MTUS2: variants seen among roughly 807,000 people sequenced by gnomAD.
The protein encoded by MTUS2 is microtubule-associated tumor suppressor candidate 2.
MTUS2 carries 40 observed loss-of-function variants against 114.1 expected under a neutral mutation model. The ratio of observed to expected loss-of-function variants is 0.35; its 90% CI spans 0.27 to 0.46. The LOEUF (loss-of-function observed/expected upper bound fraction) is 0.46, where lower values mean the gene tolerates loss of function less well. MTUS2 is among the 20% of genes least tolerant of loss of function. MTUS2 has a pLI of 1.00. For synonymous variants in MTUS2, 688 were observed against 672.0 expected (o/e 1.02, Z -0.37); for missense variants, 1,679 against 1,705.4 (o/e 0.98, Z 0.27).
At chr13:29,027,080 T>TTTTA (rs1206348762) in intron 3 of MTUS2, among the ~76,000 whole-genome samples, 177 bp downstream of exon 3, 1 of 152,218 alleles carries the variant, frequency 6.6e-6, no homozygotes, top group African/African-American at 2.4e-5. Flanking sequence ...AAATGACCAT[T>TTTTA]TTTAACTAGA....
Position 29,375,491 on chromosome 13 carries a change from C to T in MTUS2, c.3117+16018C>T, listed in dbSNP as rs1386054602. ...ATTACTTACTTTTAATGGCAAAAAC[C>T]GCAATCACCTTTGCACCAGCCTACT... is the stretch of plus-strand genomic sequence containing the variant. On this transcript the variant is annotated intron_variant, in intron 8 of 15. Transcript: ENST00000612955. Among the ~76,000 whole-genome samples the T allele has an allele frequency of 6.1e-5, 8 of 130,188 alleles. 1 individual carries two copies. The highest frequency in any genetic ancestry group is 2.2e-4 in the East Asian group (1 of 4,646). 85.4% of individuals were successfully genotyped at this position (130,188 alleles called of 152,430 possible). A position where few individuals can be genotyped will look rare whatever the true frequency, so the allele number is the denominator to read the frequency against.
chr13:29,247,642 C>T (rs527331689), intron 5 of MTUS2, among the ~76,000 whole-genome samples: 56 of 151,984 alleles, frequency 3.7e-4, no homozygotes, highest in South Asian at 2.3e-3. Context: ...AACAAACATA[C>T]GAAAAAATGC....
chr13:29,224,392 C>T (rs1220515849), intron 5 of MTUS2, among the ~76,000 whole-genome samples: 2 of 152,020 alleles, frequency 1.3e-5, no homozygotes, highest in African/African-American at 2.4e-5. Context: ...TTCCATGTTG[C>T]TTAGCTACTC....
intron 2 of MTUS2, among the ~76,000 whole-genome samples, chr13:29,011,882 A>G (rs1476873685): frequency 1.3e-5 from 2 of 152,128 alleles, no homozygotes; most frequent in Non-Finnish European, 2.9e-5. Context: ...CCTTCTAGGG[A>G]TCTAGTTCAT....
intron 2 of MTUS2, among the ~76,000 whole-genome samples, chr13:28,927,838 A>G (rs1881404273): frequency 6.6e-6 from 1 of 152,214 alleles, no homozygotes; most frequent in Non-Finnish European, 1.5e-5. Flanking sequence ...AAAAAGCCGG[A>G]TGCATCACAT....
At chr13:29,333,994 A>G (rs1236051666) in intron 7 of MTUS2, among the ~76,000 whole-genome samples, 1 of 152,126 alleles carries the variant, frequency 6.6e-6, no homozygotes, top group Non-Finnish European at 1.5e-5. Flanking sequence ...GTTTTATCAG[A>G]GACTAGGATT....
intron 2 of MTUS2, among the ~76,000 whole-genome samples, chr13:28,895,269 T>C (rs1333583689): frequency 6.6e-6 from 1 of 152,210 alleles, no homozygotes; most frequent in Non-Finnish European, 1.5e-5. Context: ...AGAGAGCATG[T>C]CCTCTAAGCA....
At chr13:29,389,415 GTGTGTA>G (rs1566172936) in intron 8 of MTUS2, among the ~76,000 whole-genome samples, 1 of 90,026 alleles carries the variant, frequency 1.1e-5, no homozygotes, top group African/African-American at 4.6e-5. Context: ...ATACACGTGT[GTGTGTA>G]TGTATACACG....
intron 5 of MTUS2, among the ~76,000 whole-genome samples, chr13:29,133,618 C>G (rs953031469): frequency 6.6e-6 from 1 of 152,168 alleles, no homozygotes; most frequent in Non-Finnish European, 1.5e-5. Context: ...TTCCCTCCCC[C>G]CATTGAATAG....
chr13:29,230,629 A>G (rs1275735829), intron 5 of MTUS2, among the ~76,000 whole-genome samples: 1 of 152,266 alleles, frequency 6.6e-6, no homozygotes, highest in Non-Finnish European at 1.5e-5. Flanking sequence ...CAGGCTGAAC[A>G]TGTGATAATG....
chr13:28,835,982 A>G (rs1414222856), intron 1 of MTUS2, among the ~76,000 whole-genome samples: 1 of 152,150 alleles, frequency 6.6e-6, no homozygotes, highest in Non-Finnish European at 1.5e-5. Flanking sequence ...CGGAAAGGCT[A>G]AATTATGCTT....
At chr13:29,243,488 C>T (rs553567167) in intron 5 of MTUS2, among the ~76,000 whole-genome samples, 5 of 152,198 alleles carry the variant, frequency 3.3e-5, no homozygotes, top group Admixed American at 6.5e-5. Flanking sequence ...CTGGCAAGGT[C>T]GGAAGCCAGT....
At chr13:29,215,416 T>C (rs1895635149) in intron 5 of MTUS2, among the ~76,000 whole-genome samples, 1 of 151,292 alleles carries the variant, frequency 6.6e-6, no homozygotes, top group African/African-American at 2.4e-5. Context: ...TGGTGAGGAA[T>C]TGTGATCCTT....
At position 29,026,215 on chromosome 13, in the gene MTUS2, T is replaced by C; in HGVS notation, c.1517T>C (p.Val506Ala). 6.2e-7 allele frequency: 1 copy of C among 1,613,992 alleles called. No individual in the cohort carries two copies. Among genetic ancestry groups the C allele is most frequent in the Non-Finnish European group, 8.5e-7 (1 of 1,179,902 alleles). Reference protein sequence around the residue: ...ARESKEVTTSVAENRNLLENA... With the variant: ...ARESKEVTTSAAENRNLLENA... ...GAAAGCAAAGAGGTCACCACATCTG[T>C]TGCTGAAAACAGGAACCTTCTAGAG... Residue 506 changes from valine to alanine, a missense_variant, in exon 3 of 16, where the codon GTT (valine) becomes GCT (alanine). By Grantham distance (64) the Val-to-Ala change is moderately conservative (BLOSUM62 0). Around this residue, in one of 3 missense-constraint regions of MTUS2, gnomAD observed 843 missense variants for 770.8 expected, o/e 1.09. Coordinates refer to ENST00000612955, the MANE Select transcript of MTUS2 (RefSeq NM_001033602.4).
At chr13:29,411,191 T>C (rs528271213) in intron 8 of MTUS2, among the ~76,000 whole-genome samples, 1 of 152,220 alleles carries the variant, frequency 6.6e-6, no homozygotes, top group Non-Finnish European at 1.5e-5. Flanking sequence ...TTTTGTTTTC[T>C]TTTTGGTATT....
chr13:29,441,324 A>G (rs1367483087), intron 9 of MTUS2, among the ~76,000 whole-genome samples: 2 of 152,094 alleles, frequency 1.3e-5, no homozygotes, highest in Non-Finnish European at 2.9e-5. Context: ...ACCTGGCTGG[A>G]AAGAGGAGCG....
At chr13:29,337,882 A>G (rs1184404579) in intron 7 of MTUS2, among the ~76,000 whole-genome samples, 3 of 148,352 alleles carry the variant, frequency 2.0e-5, no homozygotes, top group Non-Finnish European at 4.4e-5. Context: ...TCTGCCTCCC[A>G]GGTTCAAGCA....
chr13:29,029,706 A>C (rs1037884230), intron 3 of MTUS2, among the ~76,000 whole-genome samples: 1 of 152,158 alleles, frequency 6.6e-6, no homozygotes, highest in Non-Finnish European at 1.5e-5. Flanking sequence ...GGCTGCTTCC[A>C]CTCAAGGGGG....
chr13:28,994,650 A>G (rs1319382523), intron 2 of MTUS2, among the ~76,000 whole-genome samples: 1 of 152,200 alleles, frequency 6.6e-6, no homozygotes, highest in Non-Finnish European at 1.5e-5. Flanking sequence ...TCTGATGGCC[A>G]GTGATGGTGA....
Sources: allele counts gnomAD v4.1 joint callset (sites outside exome capture counted in the v4.1 genomes callset), GRCh38; gene constraint gnomAD v4.1.1; regional missense constraint gnomAD v4.1.1; transcripts MANE v1.5; gene names NCBI Gene and HGNC (gene_info 2026-07-23, HGNC 2026-07-21).